GABRG3: variants seen among roughly 807,000 people sequenced by gnomAD.
GABRG3 encodes gamma-aminobutyric acid receptor subunit gamma-3.
A neutral mutation model predicts 48.8 loss-of-function variants in GABRG3; 25 were observed. That is an observed-to-expected ratio of 0.51 (90% CI 0.37 to 0.72). The LOEUF is 0.72. Ranked by LOEUF, GABRG3 falls within the 30% of genes least tolerant of loss-of-function variation. The probability of loss-of-function intolerance (pLI) is 0.00; values close to 1 mark genes in which losing one functional copy is unlikely to be tolerated. For missense variants in GABRG3, 394 were observed against 577.9 expected, an observed-to-expected ratio of 0.68 and a Z score of 3.26; for synonymous variants, 227 against 217.6, an observed-to-expected ratio of 1.04 and a Z score of -0.38.
In GABRG3 at chr15:27,278,541, A is replaced by G. The variant is rs1670953541; in HGVS notation, c.271-48268A>G. On this transcript the variant is annotated intron_variant, in intron 3 of 9. Transcript: ENST00000615808. ...GCTCCAAGAGTGGGTTTTGAATTGA[A>G]TTGTATATTAGGTATTGCTCTGAGA... Among the ~76,000 whole-genome samples, 3 of 152,214 alleles carry G rather than the reference A, an allele frequency of 2.0e-5. No homozygotes were observed. The South Asian group carries it at 6.2e-4, about 32-fold the overall frequency.
chr15:27,004,135 C>T (rs568505749), intron 2 of GABRG3, among the ~76,000 whole-genome samples: 1 of 151,094 alleles, frequency 6.6e-6, no homozygotes, highest in Non-Finnish European at 1.5e-5. Context: ...GCTGACCCCC[C>T]CACCTCCCTC....
intron 3 of GABRG3, among the ~76,000 whole-genome samples, chr15:27,119,698 C>T (rs1236487821): frequency 1.3e-5 from 2 of 152,170 alleles, no homozygotes; most frequent in South Asian, 4.1e-4. Context: ...AATTCATATT[C>T]TTGTGATTTC....
chr15:27,154,950 A>G (rs1410919772), intron 3 of GABRG3, among the ~76,000 whole-genome samples: 1 of 151,912 alleles, frequency 6.6e-6, no homozygotes, highest in Non-Finnish European at 1.5e-5. Context: ...TGTAATTGAC[A>G]TGCTTTCTGT....
At position 27,311,892 on chromosome 15, in the gene GABRG3, G is replaced by A. The variant is rs146746583; in HGVS notation, c.271-14917G>A. Among the ~76,000 whole-genome samples the A allele has an allele frequency of 2.5e-4, 38 of 152,126 alleles. No individual in the cohort carries two copies. In the East Asian group the frequency reaches 4.8e-3, roughly 19 times the overall value. The stretch of plus-strand genomic sequence containing the variant: ...TAGTCTGTGAATATTGGGAGAGGTC[G>A]CTGTTTTATCTAATGTGCAGACAAC... On this transcript the variant is annotated intron_variant, in intron 3 of 9. Transcript: ENST00000615808.
intron 3 of GABRG3, among the ~76,000 whole-genome samples, chr15:27,041,661 C>T (rs1023344871): frequency 1.3e-5 from 2 of 152,236 alleles, no homozygotes; most frequent in Non-Finnish European, 2.9e-5. Flanking sequence ...TCATGTACTA[C>T]ATTTGCCAAT....
intron 3 of GABRG3, among the ~76,000 whole-genome samples, chr15:27,217,746 C>T (rs980577038): frequency 4.6e-5 from 7 of 152,232 alleles, no homozygotes; most frequent in Non-Finnish European, 8.8e-5. Context: ...ATTCTACTCT[C>T]AACATAGGCA....
chr15:27,475,295 G>T (rs1197168277), intron 5 of GABRG3, among the ~76,000 whole-genome samples: 1 of 151,976 alleles, frequency 6.6e-6, no homozygotes, highest in Non-Finnish European at 1.5e-5. Context: ...GTGTCTCAGT[G>T]CCTCAGCTTT....
chr15:27,519,886 A>C, intron 6 of GABRG3, 86 bp from the exon 7 acceptor site: 1 of 959,990 alleles, frequency 1.0e-6, no homozygotes, highest in Non-Finnish European at 1.5e-6. Context: ...CAAGTCATTC[A>C]CTTAACAAAA....
chr15:27,440,394 G>A (rs891647529), intron 5 of GABRG3, among the ~76,000 whole-genome samples: 2 of 152,126 alleles, frequency 1.3e-5, no homozygotes, highest in African/African-American at 4.8e-5. Context: ...TCTCCACCAA[G>A]CTAGGCATAT....
At position 27,319,751 on chromosome 15, in the gene GABRG3, G is replaced by T. The variant is rs1354583291; in HGVS notation, c.271-7058G>T. ...GGTGGCTATAGTAACGGGTTGGTTTGTAAGCAAGCACGATACACGGAGCCT... is the reference window on the plus strand; with the variant it reads ...GGTGGCTATAGTAACGGGTTGGTTTTTAAGCAAGCACGATACACGGAGCCT... On this transcript the variant is annotated intron_variant, in intron 3 of 9. Coordinates refer to ENST00000615808, the MANE Select transcript of GABRG3 (RefSeq NM_033223.5). This position sits in a 1 kb window ranked among gnomAD's most constrained non-coding sequence, Gnocchi z 4.4. 2.0e-5 allele frequency among the ~76,000 whole-genome samples: 3 copies of T among 152,138 alleles called. No homozygotes were observed. The highest frequency in any genetic ancestry group is 7.2e-5 in the African/African-American group (3 of 41,426).
Position 27,351,924 on chromosome 15 carries a change from TGTGTGTGTATG to T in GABRG3, c.574+23045_574+23055del, listed in dbSNP as rs1894625429. On this transcript the variant is annotated intron_variant, in intron 5 of 9. Transcript: ENST00000615808. The stretch of plus-strand genomic sequence containing the variant: ...TATGTATGTATAGTGTGTGTGTGTT[TGTGTGTGTATG>T]GTGTGTGTTTATCGTGTGTGTATGG... Among the ~76,000 whole-genome samples, 12 of 149,884 alleles carry T rather than the reference TGTGTGTGTATG, an allele frequency of 8.0e-5. No homozygotes were observed. The South Asian group carries it at 2.4e-3, about 29-fold the overall frequency.
chr15:27,286,147 A>G (rs1283709841), intron 3 of GABRG3, among the ~76,000 whole-genome samples: 1 of 152,246 alleles, frequency 6.6e-6, no homozygotes, highest in African/African-American at 2.4e-5. Context: ...TCACTCATCA[A>G]GCATTTTCTG....
intron 3 of GABRG3, among the ~76,000 whole-genome samples, chr15:27,310,009 A>G (rs1303221214): frequency 6.6e-6 from 1 of 152,106 alleles, no homozygotes; most frequent in Non-Finnish European, 1.5e-5. Context: ...TAATATATGT[A>G]ACAACTTGGA....
intron 3 of GABRG3, among the ~76,000 whole-genome samples, chr15:27,293,745 A>G (rs1028678525): frequency 6.6e-6 from 1 of 152,058 alleles, no homozygotes; most frequent in East Asian, 1.9e-4. Flanking sequence ...GGGATTATGC[A>G]TATTCAACTT....
intron 3 of GABRG3, among the ~76,000 whole-genome samples, chr15:27,067,453 C>T (rs754745553): frequency 1.1e-4 from 17 of 152,192 alleles, no homozygotes; most frequent in Non-Finnish European, 2.1e-4. Flanking sequence ...CATGGAATCA[C>T]CTTACCCAGA....
At chr15:27,483,049 T>A (rs1566861460) in intron 6 of GABRG3, 1 of 152,238 alleles carries the variant, frequency 6.6e-6, no homozygotes, top group Non-Finnish European at 1.5e-5. Flanking sequence ...ATTAAATATG[T>A]TTATTTAAAA....
At chr15:27,218,912 T>C (rs1889356583) in intron 3 of GABRG3, among the ~76,000 whole-genome samples, 1 of 152,170 alleles carries the variant, frequency 6.6e-6, no homozygotes, top group Non-Finnish European at 1.5e-5. Flanking sequence ...GCTTCCATTA[T>C]TGTGAATCAC....
chr15:27,132,297 G>A (rs1291771220), intron 3 of GABRG3, among the ~76,000 whole-genome samples: 1 of 151,848 alleles, frequency 6.6e-6, no homozygotes, highest in Non-Finnish European at 1.5e-5. Flanking sequence ...ATCCATTTGA[G>A]TTGTTTGTTG....
At chr15:27,488,894 T>A (rs1890280678) in intron 6 of GABRG3, among the ~76,000 whole-genome samples, 4 of 152,196 alleles carry the variant, frequency 2.6e-5, no homozygotes. Context: ...ATTTTTTTTA[T>A]TTTACTTTAA....
Sources: allele counts gnomAD v4.1 joint callset (sites outside exome capture counted in the v4.1 genomes callset), GRCh38; gene constraint gnomAD v4.1.1; non-coding constraint Gnocchi (gnomAD v3.1); transcripts MANE v1.5; gene names NCBI Gene and HGNC (gene_info 2026-07-23, HGNC 2026-07-21).